CFAP92: variants seen among roughly 807,000 people sequenced by gnomAD.
CFAP92 encodes cilia and flagella associated protein 92 (putative), also known as uncharacterized protein CFAP92.
Under a neutral mutation model 106.3 loss-of-function variants are expected in CFAP92, and 86 were observed. That is an observed-to-expected ratio of 0.81 (90% confidence interval 0.68 to 0.97). The LOEUF is 0.97. Among genes scored for constraint, CFAP92 ranks in the 50% least tolerant of loss-of-function variants. CFAP92 has a pLI of 0.00. For missense variants in CFAP92, 1,204 were observed against 1,283.8 expected (o/e 0.94, Z 0.95); for synonymous variants, 477 against 506.4 (o/e 0.94, Z 0.78).
intron 13 of CFAP92, chr3:128,915,849 AG>A (rs1936772837): frequency 4.3e-6 from 2 of 470,330 alleles, no homozygotes; most frequent in Admixed American, 3.8e-5. Flanking sequence ...TGTTCCCCAG[AG>A]GTAAGGATGC....
At chr3:128,927,781 A>T (rs1402960804) in intron 12 of CFAP92, among the ~76,000 whole-genome samples, 11 of 152,138 alleles carry the variant, frequency 7.2e-5, no homozygotes, top group Admixed American at 7.2e-4. Context: ...ACAAAAAGTA[A>T]TTCAATTCAT....
intron 15 of CFAP92, among the ~76,000 whole-genome samples, chr3:128,911,707 G>A (rs970405999): frequency 2.6e-5 from 4 of 152,224 alleles, no homozygotes; most frequent in Non-Finnish European, 5.9e-5. Flanking sequence ...CTCCCAAAGT[G>A]CTGGGATTAC....
intron 12 of CFAP92, among the ~76,000 whole-genome samples, chr3:128,927,553 C>T (rs1937813093): frequency 6.6e-6 from 1 of 151,836 alleles, no homozygotes; most frequent in Non-Finnish European, 1.5e-5. Context: ...AACCCTGTCT[C>T]TAGTAAAAAT....
Position 129,002,443 on chromosome 3 carries a change from C to T in CFAP92, n.117+131G>A, listed in dbSNP as rs569962440. ...AGGAAGGGGAGACAGAGGGCAGCCC[C>T]ACACCATCCCACTCCGCATCAGCAC... On this transcript the variant is annotated intron_variant and non_coding_transcript_variant, in intron 1 of 4. Transcript: ENST00000510149. 17 of 1,398,122 alleles carry T rather than the reference C, an allele frequency of 1.2e-5. No homozygotes were observed. The South Asian group carries it at 2.7e-4, about 22-fold the overall frequency. 86.6% of individuals were successfully genotyped at this position (1,398,122 alleles called of 1,614,324 possible).
chr3:128,976,865 G>T, intron 6 of CFAP92, 114 bp downstream of exon 6: 2 of 796,406 alleles, frequency 2.5e-6, no homozygotes, highest in Non-Finnish European at 4.3e-6. Flanking sequence ...AGTTAGCCTG[G>T]ATTGCATGAG....
the CFAP92 span, among the ~76,000 whole-genome samples, chr3:129,019,856 C>A: frequency 6.6e-6 from 1 of 150,724 alleles, no homozygotes. Flanking sequence ...GCAACCTCCA[C>A]CTCCCAGATT....
intron 15 of CFAP92, among the ~76,000 whole-genome samples, chr3:128,911,720 G>A (rs1001448788): frequency 6.6e-6 from 1 of 152,266 alleles, no homozygotes; most frequent in Non-Finnish European, 1.5e-5. Context: ...GGGATTACAG[G>A]CATGAGCCAC....
intron 12 of CFAP92, among the ~76,000 whole-genome samples, chr3:128,922,465 G>T (rs900065454): frequency 6.6e-6 from 1 of 152,230 alleles, no homozygotes; most frequent in African/African-American, 2.4e-5. Flanking sequence ...ACAGTGAAAA[G>T]AACAGGAGGC....
intron 10 of CFAP92, among the ~76,000 whole-genome samples, chr3:128,938,294 C>T (rs1001158163): frequency 1.4e-4 from 21 of 152,046 alleles, no homozygotes; most frequent in Non-Finnish European, 2.4e-4. Flanking sequence ...AGTTTAAAAA[C>T]GGGCTTGGTC....
chr3:128,970,572 T>C (rs544686317), intron 8 of CFAP92: 1 of 152,342 alleles, frequency 6.6e-6, no homozygotes, highest in Non-Finnish European at 1.5e-5. Context: ...AACATAATTT[T>C]ACCAAAATAT....
At chr3:129,017,380 CACCT>C in the CFAP92 span, among the ~76,000 whole-genome samples, 1 of 152,218 alleles carries the variant, frequency 6.6e-6, no homozygotes, top group Non-Finnish European at 1.5e-5. Context: ...AAACAACACC[CACCT>C]GTGACCTCAT....
rs923220475 is a variant in CFAP92, at chr3:128,916,491, A to G, written c.2752-220T>C. On this transcript the variant is annotated intron_variant, in intron 12 of 15. Transcript: ENST00000645291. ...AATTTAAGAGGACCAAAAAATTGAG[A>G]CCCCTAAGGTCACTGTAACTGGAAC... 2.6e-5 allele frequency among the ~76,000 whole-genome samples: 4 copies of G among 151,996 alleles called. No individual in the cohort carries two copies. In the East Asian group the frequency reaches 5.8e-4, roughly 22 times the overall value.
In CFAP92 at chr3:128,909,954, C is replaced by T; in HGVS notation, c.*345G>A. 6.3e-7 allele frequency: 1 copy of T among 1,595,202 alleles called. No individual in the cohort carries two copies. Among genetic ancestry groups the T allele is most frequent in the Non-Finnish European group, 8.5e-7 (1 of 1,171,510 alleles). On this transcript the variant is annotated 3_prime_UTR_variant, in exon 16 of 16. Coordinates refer to ENST00000645291, the MANE Select transcript of CFAP92 (RefSeq NM_001394090.1). ...GACTAAGACAGGCAAAGATGCAGCC[C>T]AGGGAGGGACCATGTGGGGGACTGG...
chr3:128,999,782 A>G (rs937662383), intron 1 of CFAP92, among the ~76,000 whole-genome samples: 6 of 152,012 alleles, frequency 3.9e-5, no homozygotes, highest in African/African-American at 1.4e-4. Context: ...ACCTCAGGCA[A>G]TCCACCCGCC....
rs199739835 is a variant in CFAP92 at position 128,910,088 on chromosome 3, C to T, written c.*211G>A. 6.4e-5 allele frequency: 104 copies of T among 1,613,784 alleles called. No individual in the cohort carries two copies. Among genetic ancestry groups the T allele is most frequent in the Admixed American group, 1.0e-4 (6 of 59,976 alleles). ...ATCCTCATCAACCTGTATGGCATGA[C>T]GGCCGTGCTGTCGCGGGCCAGCCGC... On this transcript the variant is annotated 3_prime_UTR_variant, in exon 16 of 16. Transcript: ENST00000645291.
At chr3:128,985,649 C>A (rs2107809280) in intron 4 of CFAP92, among the ~76,000 whole-genome samples, 2 of 152,306 alleles carry the variant, frequency 1.3e-5, no homozygotes, top group South Asian at 4.2e-4. Context: ...AGATACTAAC[C>A]AGAAAGTCTG....
chr3:128,962,355 A>C (rs995122137), intron 9 of CFAP92, among the ~76,000 whole-genome samples: 70 of 152,146 alleles, frequency 4.6e-4, no homozygotes, highest in African/African-American at 1.5e-3. Flanking sequence ...GTATTGACAG[A>C]CAGGCTTCTA....
upstream of CFAP92, among the ~76,000 whole-genome samples, chr3:129,007,449 G>A (rs1945123303): frequency 6.6e-6 from 1 of 152,142 alleles, no homozygotes; most frequent in African/African-American, 2.4e-5. Context: ...GTGTCTTTGG[G>A]GAGAAAACAG....
chr3:128,965,842 A>C, intron 8 of CFAP92, 147 bp from the exon 9 acceptor site: 4 of 392,352 alleles, frequency 1.0e-5, no homozygotes, highest in Admixed American at 4.4e-5. Context: ...AAAAGAAAGA[A>C]TTGGGAAACA....
Sources: gnomAD v4.1 joint callset for allele counts (sites outside exome capture counted in the v4.1 genomes callset) on GRCh38, gnomAD v4.1.1 for gene constraint, MANE v1.5 for transcripts, NCBI Gene and HGNC (gene_info 2026-07-23, HGNC 2026-07-21) for gene names.